The following ALDH7A1 variants were observed in gnomAD, a reference collection of about 807,000 sequenced individuals.
ALDH7A1 encodes the protein alpha-aminoadipic semialdehyde dehydrogenase.
Under a neutral mutation model 79.9 loss-of-function variants are expected in ALDH7A1, and 63 were observed. The observed-to-expected ratio is 0.79, with a 90% CI of 0.64 to 0.97. ALDH7A1 has a LOEUF of 0.97. Ranked by LOEUF, ALDH7A1 falls within the 50% of genes least tolerant of loss-of-function variation. The pLI, the probability that ALDH7A1 is intolerant of heterozygous loss-of-function variation, is 0.00. For synonymous variants in ALDH7A1, 240 were observed against 231.2 expected (o/e 1.04, Z -0.34); for missense variants, 627 against 665.2 (o/e 0.94, Z 0.63).
chr5:126,555,861 C>G, intron 12 of ALDH7A1, 70 bp downstream of exon 12: 1 of 1,286,044 alleles, frequency 7.8e-7, no homozygotes, highest in Non-Finnish European at 1.1e-6. Context: ...CTCCAAAACT[C>G]AGATCAGAAA....
chr5:126,550,875 C>T (rs1749975459), intron 14 of ALDH7A1, among the ~76,000 whole-genome samples: 1 of 152,214 alleles, frequency 6.6e-6, no homozygotes, highest in African/African-American at 2.4e-5. Context: ...AATAATGGTA[C>T]ATTCAAATAT....
rs1206254811 is a variant in ALDH7A1 at position 126,550,018 on chromosome 5, G to A, written c.1416-16C>T. On this transcript the variant is annotated splice_polypyrimidine_tract_variant and intron_variant, in intron 15 of 17. Transcript: ENST00000409134. ...TCCTTTAGGTCTGTGTAAAAAGGGA[G>A]GCATGGTGAGAGCAATGAACAGGAA... 2.4e-5 allele frequency: 39 copies of A among 1,611,536 alleles called. No individual in the cohort carries two copies. The highest frequency in any genetic ancestry group is 3.2e-5 in the Non-Finnish European group (38 of 1,177,840).
chr5:126,546,258 G>C (rs1749782140), intron 17 of ALDH7A1, 66 bp downstream of exon 17: 12 of 1,401,044 alleles, frequency 8.6e-6, no homozygotes, highest in South Asian at 1.2e-5. Context: ...CAGACAGTAG[G>C]AAAGTGTAAA....
chr5:126,570,458 T>A (rs1176560837), intron 8 of ALDH7A1: 1 of 284,698 alleles, frequency 3.5e-6, no homozygotes, highest in Non-Finnish European at 6.7e-6. Context: ...TACAATTTCA[T>A]AGCTTTCTTT....
At chr5:126,551,214 T>A (rs749624942) in intron 14 of ALDH7A1, among the ~76,000 whole-genome samples, 6 of 152,180 alleles carry the variant, frequency 3.9e-5, no homozygotes, top group Admixed American at 1.3e-4. Flanking sequence ...TGTGCCCAGC[T>A]TCTTCACCTA....
chr5:126,570,908 TA>T, intron 7 of ALDH7A1, 49 bp from the exon 8 acceptor site: 1 of 1,576,004 alleles, frequency 6.3e-7, no homozygotes, highest in Non-Finnish European at 8.7e-7. Context: ...GGCATTTTTT[TA>T]AAAACAAGGA....
rs1258490446 is a variant in ALDH7A1, at chr5:126,542,278, A to AAAATGG, written c.*2681_*2686dup. On this transcript the variant is annotated 3_prime_UTR_variant, in exon 18 of 18. Transcript: ENST00000409134. ...CCTTTGTTAGAATGAAGGCAACAAGAAAATGGTCTGAAAGTGCCAGGGAAG... is the reference window on the plus strand; with the variant it reads ...CCTTTGTTAGAATGAAGGCAACAAGAAAATGGAAATGGTCTGAAAGTGCCAGGGAAG... 1 of 152,176 alleles carries AAAATGG rather than the reference A, an allele frequency of 6.6e-6. No homozygotes were observed. Among genetic ancestry groups the AAAATGG allele is most frequent in the Non-Finnish European group, 1.5e-5 (1 of 68,052 alleles). 9.4% of individuals were successfully genotyped at this position (152,176 alleles called of 1,614,324 possible).
At chr5:126,551,260 T>A (rs1469347624) in intron 14 of ALDH7A1, among the ~76,000 whole-genome samples, 1 of 151,912 alleles carries the variant, frequency 6.6e-6, no homozygotes, top group Admixed American at 6.6e-5. Context: ...AGATATGAGA[T>A]CAGGGAAAAC....
intron 11 of ALDH7A1, among the ~76,000 whole-genome samples, chr5:126,558,483 T>C (rs973724654): frequency 2.6e-5 from 4 of 152,182 alleles, no homozygotes; most frequent in African/African-American, 9.7e-5. Context: ...TCAAGTCAAA[T>C]CTAATTCTAG....
intron 3 of ALDH7A1, chr5:126,584,220 A>G: frequency 3.6e-6 from 2 of 552,462 alleles, no homozygotes; most frequent in Non-Finnish European, 3.2e-6. Context: ...GGCACAGAGG[A>G]GAAGAAAAGG....
chr5:126,559,182 CTCATTAAAAAG>C, intron 11 of ALDH7A1, 47 bp downstream of exon 11: 2 of 1,426,990 alleles, frequency 1.4e-6, no homozygotes, highest in Non-Finnish European at 2.0e-6. Context: ...AACAGCAGAA[CTCATTAAAAAG>C]TAGTGTTTTA....
chr5:126,594,299 A>G (rs2112818630), intron 1 of ALDH7A1: 1 of 470,850 alleles, frequency 2.1e-6, no homozygotes, highest in Non-Finnish European at 4.4e-6. Flanking sequence ...AAGATAACTT[A>G]AAACTACACT....
intron 3 of ALDH7A1, chr5:126,584,275 T>C (rs1751280308): frequency 8.4e-6 from 4 of 478,004 alleles, no homozygotes; most frequent in Non-Finnish European, 1.5e-5. Context: ...CAAATTGCCA[T>C]CAGGGTTTTA....
At chr5:126,588,330 T>C (rs936806031) in intron 3 of ALDH7A1, 1 of 151,734 alleles carries the variant, frequency 6.6e-6, no homozygotes, top group Non-Finnish European at 1.5e-5. Context: ...AAAAAAAACA[T>C]TAGCCGGGCA....
Position 126,568,347 on chromosome 5 carries a change from C to T in ALDH7A1, c.783G>A (p.Met261Ile). The change falls in exon 9 of 18, where the codon ATG becomes ATA. Residue 261 changes from methionine (M) to isoleucine (I), a missense_variant. Met to Ile is a conservative substitution (Grantham distance 10). Transcript: ENST00000409134. The stretch of plus-strand genomic sequence containing the variant: ...GCAGGTTCACTCGTTCATCTTTGGC[C>T]ATTGCTGTGCTGCAAGGGAACAGAC... ...TCGGADIGTA[M>I]AKDERVNLLS... The T allele has an allele frequency of 6.2e-7, 1 of 1,614,020 alleles. No individual in the cohort carries two copies. The highest frequency in any genetic ancestry group is 1.1e-5 in the South Asian group (1 of 91,074).
chr5:126,588,156 T>G (rs996658289), intron 3 of ALDH7A1: 2 of 152,196 alleles, frequency 1.3e-5, no homozygotes, highest in African/African-American at 4.8e-5. Flanking sequence ...TAATGTCAGC[T>G]GGCACTCCCT....
chr5:126,594,572 G>A, intron 1 of ALDH7A1: 1 of 295,762 alleles, frequency 3.4e-6, no homozygotes, highest in South Asian at 3.1e-5. Context: ...AGCCTCCCTA[G>A]TAGCTGGGAT....
At chr5:126,564,581 A>C in intron 9 of ALDH7A1, 1 of 1,248,042 alleles carries the variant, frequency 8.0e-7, no homozygotes, top group Non-Finnish European at 1.0e-6. Context: ...GTATCTTCTC[A>C]TTTCCATTGC....
intron 7 of ALDH7A1, among the ~76,000 whole-genome samples, chr5:126,572,063 G>A (rs1176708512): frequency 6.6e-6 from 1 of 152,080 alleles, no homozygotes; most frequent in Non-Finnish European, 1.5e-5. Flanking sequence ...AAATAATTCT[G>A]GTTTCTCTGA....
Sources: gnomAD v4.1 joint callset for allele counts (sites outside exome capture counted in the v4.1 genomes callset) on GRCh38, gnomAD v4.1.1 for gene constraint, MANE v1.5 for transcripts, NCBI Gene and HGNC (gene_info 2026-07-23, HGNC 2026-07-21) for gene names.